The following SCN8A variants were observed in gnomAD, a reference collection of about 807,000 sequenced individuals.
SCN8A encodes the protein sodium channel protein type 8 subunit alpha.
Under a neutral mutation model 184.1 loss-of-function variants are expected in SCN8A, and 30 were observed. The observed-to-expected ratio is 0.16, with a 90% CI of 0.12 to 0.22. The LOEUF is 0.22. SCN8A is among the 10% of genes least tolerant of loss of function. The probability of loss-of-function intolerance (pLI) is 1.00; values close to 1 mark genes in which losing one functional copy is unlikely to be tolerated. For missense variants in SCN8A, 1,057 were observed against 2,498.9 expected, an observed-to-expected ratio of 0.42 and a Z score of 12.30; for synonymous variants, 852 against 907.0, an observed-to-expected ratio of 0.94 and a Z score of 1.09.
chr12:51,689,117 G>C (rs754465345), intron 6 of SCN8A, 21 bp downstream of exon 6: 2 of 1,554,016 alleles, frequency 1.3e-6, no homozygotes, highest in Non-Finnish European at 1.8e-6. Flanking sequence ...TTGTACATAA[G>C]ACTGACTTTG....
At chr12:51,801,911 C>T (rs924346185) in intron 26 of SCN8A, among the ~76,000 whole-genome samples, 3 of 151,992 alleles carry the variant, frequency 2.0e-5, no homozygotes, top group African/African-American at 4.8e-5. Context: ...AAAAATTAGC[C>T]GGGCATGGTG....
chr12:51,767,151 A>G (rs1022258492), intron 16 of SCN8A, among the ~76,000 whole-genome samples: 2 of 152,106 alleles, frequency 1.3e-5, no homozygotes, highest in African/African-American at 4.8e-5. Context: ...CTCAGTCCTA[A>G]TCCCTCTAGT....
intron 1 of SCN8A, among the ~76,000 whole-genome samples, chr12:51,622,616 A>G (rs1455413624): frequency 2.0e-5 from 3 of 152,196 alleles, no homozygotes; most frequent in Non-Finnish European, 4.4e-5. Flanking sequence ...CTCATATCAT[A>G]TTGGAAGAAT....
chr12:51,716,280 A>G (rs1941963323), intron 11 of SCN8A, among the ~76,000 whole-genome samples: 1 of 152,228 alleles, frequency 6.6e-6, no homozygotes, highest in Non-Finnish European at 1.5e-5. Flanking sequence ...ACTTGAGCCC[A>G]GGAGGTTGAG....
At chr12:51,684,476 AT>A (rs990505656) in intron 3 of SCN8A, among the ~76,000 whole-genome samples, 184 bp downstream of exon 3, 2 of 151,830 alleles carry the variant, frequency 1.3e-5, no homozygotes, top group African/African-American at 4.8e-5. Context: ...GCAAATTATT[AT>A]TTTTTTTCTT....
At chr12:51,618,815 G>A (rs1441619327) in intron 1 of SCN8A, among the ~76,000 whole-genome samples, 1 of 152,184 alleles carries the variant, frequency 6.6e-6, no homozygotes, top group Non-Finnish European at 1.5e-5. Context: ...AGGCCTCGAG[G>A]TCCTGGGAGG....
chr12:51,645,093 C>T (rs370414804), intron 1 of SCN8A, among the ~76,000 whole-genome samples: 6 of 150,326 alleles, frequency 4.0e-5, no homozygotes, highest in Admixed American at 6.6e-5. Flanking sequence ...ATCAGCCCCC[C>T]GCCCGGCCAG....
At chr12:51,755,387 CAT>C (rs1942658138) in intron 14 of SCN8A, among the ~76,000 whole-genome samples, 1 of 152,216 alleles carries the variant, frequency 6.6e-6, no homozygotes, top group South Asian at 2.1e-4. Flanking sequence ...ATCCCTTTCA[CAT>C]GTCTTCTTCA....
At chr12:51,643,895 T>C (rs191268139) in intron 1 of SCN8A, among the ~76,000 whole-genome samples, 5 of 152,354 alleles carry the variant, frequency 3.3e-5, no homozygotes, top group Non-Finnish European at 7.3e-5. Context: ...AGCTTTCCAA[T>C]GCCTGGAATG....
chr12:51,654,831 T>A (rs1940788682), intron 1 of SCN8A, among the ~76,000 whole-genome samples: 1 of 152,152 alleles, frequency 6.6e-6, no homozygotes, highest in Non-Finnish European at 1.5e-5. Flanking sequence ...ACCTTAGTGC[T>A]ACTTGCTACC....
chr12:51,651,745 C>G lies in SCN8A; in HGVS notation c.-54-11019C>G, dbSNP rs193146672. On this transcript the variant is annotated intron_variant, in intron 1 of 26. Transcript: ENST00000627620. ...AACCATATCAGTGGATATCTCTTCT[C>G]TACATATTACCTCTATGATTTGGAA... Among the ~76,000 whole-genome samples, 11 of 152,272 alleles carry G rather than the reference C, an allele frequency of 7.2e-5. No individual in the cohort carries two copies. In the East Asian group the frequency reaches 2.1e-3, roughly 29 times the overall value.
chr12:51,773,588 A>G (rs752181709), intron 19 of SCN8A, among the ~76,000 whole-genome samples: 3 of 152,208 alleles, frequency 2.0e-5, no homozygotes, highest in Non-Finnish European at 2.9e-5. Context: ...CCACTTTGGA[A>G]AACAGTTTGG....
chr12:51,725,171 A>G (rs965410676), intron 12 of SCN8A, among the ~76,000 whole-genome samples: 2 of 152,160 alleles, frequency 1.3e-5, no homozygotes, highest in East Asian at 1.9e-4. Flanking sequence ...ATTTTTATTT[A>G]TGTATTTATT....
chr12:51,708,453 C>T (rs558213236), intron 11 of SCN8A, among the ~76,000 whole-genome samples: 1 of 152,180 alleles, frequency 6.6e-6, no homozygotes, highest in South Asian at 2.1e-4. Flanking sequence ...AAATCTAATT[C>T]TTAGGCCATT....
intron 21 of SCN8A, among the ~76,000 whole-genome samples, chr12:51,781,896 G>A (rs1937935438): frequency 6.6e-6 from 1 of 152,328 alleles, no homozygotes; most frequent in African/African-American, 2.4e-5. Context: ...TAGTCTACGT[G>A]AAGCAAGACC....
intron 1 of SCN8A, among the ~76,000 whole-genome samples, chr12:51,624,705 G>A (rs1940038410): frequency 1.3e-5 from 2 of 152,070 alleles, no homozygotes; most frequent in Non-Finnish European, 2.9e-5. Flanking sequence ...TGTCCTGAAT[G>A]GTATTGCCTA....
At chr12:51,767,636 A>G (rs1057035136) in intron 16 of SCN8A, among the ~76,000 whole-genome samples, 3 of 152,232 alleles carry the variant, frequency 2.0e-5, no homozygotes, top group African/African-American at 7.2e-5. Context: ...AAAAAGGCCA[A>G]GTCCCAGGCT....
At chr12:51,675,515 G>T (rs1266300500) in intron 2 of SCN8A, among the ~76,000 whole-genome samples, 1 of 152,114 alleles carries the variant, frequency 6.6e-6, no homozygotes, top group Non-Finnish European at 1.5e-5. Context: ...GAGGAGATTC[G>T]TTCATTGATC....
chr12:51,784,055 T>C (rs1264871011), intron 21 of SCN8A, among the ~76,000 whole-genome samples: 1 of 152,224 alleles, frequency 6.6e-6, no homozygotes, highest in Non-Finnish European at 1.5e-5. Flanking sequence ...ATTCATTAAG[T>C]GACTACCAGT....
Sources: allele counts gnomAD v4.1 joint callset (sites outside exome capture counted in the v4.1 genomes callset), GRCh38; gene constraint gnomAD v4.1.1; transcripts MANE v1.5; gene names NCBI Gene and HGNC (gene_info 2026-07-23, HGNC 2026-07-21).